The following RBM27 variants were observed in gnomAD, a reference collection of about 807,000 sequenced individuals.
RBM27 encodes the protein RNA binding motif protein 27, also known as RNA-binding protein 27.
A neutral mutation model predicts 135.3 loss-of-function variants in RBM27; 22 were observed. The observed-to-expected ratio is 0.16, with a 90% confidence interval of 0.12 to 0.23. The LOEUF (loss-of-function observed/expected upper bound fraction) is 0.23, where lower values mean the gene tolerates loss of function less well. Ranked by LOEUF, RBM27 falls within the 10% of genes least tolerant of loss-of-function variation. The pLI is 1.00. For synonymous variants in RBM27, 481 were observed against 442.4 expected (o/e 1.09, Z -1.10); for missense variants, 1,009 against 1,281.0 (o/e 0.79, Z 3.24).
intron 17 of RBM27, 87 bp from the exon 18 acceptor site, chr5:146,270,867 A>T (rs992665336): frequency 1.3e-6 from 1 of 788,634 alleles, no homozygotes; most frequent in Non-Finnish European, 2.0e-6. Context: ...TCCAAAATAC[A>T]TGTGTGTCAT....
chr5:146,256,029 T>C (rs1758084786), intron 10 of RBM27, among the ~76,000 whole-genome samples: 1 of 151,522 alleles, frequency 6.6e-6, no homozygotes, highest in Admixed American at 6.6e-5. Flanking sequence ...CTAATTTTTG[T>C]ATTTTTAGTA....
chr5:146,263,981 C>T (rs568812125), intron 14 of RBM27, among the ~76,000 whole-genome samples: 1 of 151,782 alleles, frequency 6.6e-6, no homozygotes, highest in South Asian at 2.1e-4. Context: ...GTGGCAGACA[C>T]CTGTAATCCC....
At position 146,269,471 on chromosome 5, in the gene RBM27, G is replaced by A. The variant is rs1486344244; in HGVS notation, c.2578G>A (p.Ala860Thr). The A allele has an allele frequency of 1.9e-6, 3 of 1,571,546 alleles. No homozygotes were observed. Among genetic ancestry groups the A allele is most frequent in the Non-Finnish European group, 2.6e-6 (3 of 1,162,606 alleles). Reference protein sequence around the residue: ...KNKNMKPEERANIMKTLKELG... With the variant: ...KNKNMKPEERTNIMKTLKELG... ...CAAAAACATGAAACCAGAAGAAAGA[G>A]CAAATATAATGAAGACTTTGAAAGA... Residue 860 changes from alanine to threonine, a missense_variant, in exon 17 of 21, where the codon GCA becomes ACA. This residue lies in a region of RBM27 where 355 missense variants were observed against 427.3 expected (regional missense o/e 0.83). Transcript: ENST00000265271.
chr5:146,207,685 G>T (rs1415586374), intron 1 of RBM27, among the ~76,000 whole-genome samples: 2 of 144,798 alleles, frequency 1.4e-5, no homozygotes, highest in Admixed American at 6.9e-5. Flanking sequence ...TTGAGACAGG[G>T]TCTCTGTCGC....
intron 19 of RBM27, among the ~76,000 whole-genome samples, chr5:146,272,339 T>A (rs1312985430): frequency 6.6e-6 from 1 of 152,214 alleles, no homozygotes; most frequent in Non-Finnish European, 1.5e-5. Flanking sequence ...CACAATCATA[T>A]AATTAATAAG....
chr5:146,237,712 G>C (rs541060547), intron 8 of RBM27, among the ~76,000 whole-genome samples: 1 of 152,220 alleles, frequency 6.6e-6, no homozygotes, highest in Admixed American at 6.5e-5. Context: ...TTTTGAGACA[G>C]AGTCTCGCTC....
At chr5:146,231,065 A>G in intron 6 of RBM27, 148 bp downstream of exon 6, 1 of 1,032,250 alleles carries the variant, frequency 9.7e-7, no homozygotes, top group South Asian at 1.7e-5. Flanking sequence ...TCTGTCACCC[A>G]GGATGGAGTG....
intron 19 of RBM27, among the ~76,000 whole-genome samples, chr5:146,277,517 ATTTTTTTT>A (rs371321141): frequency 2.4e-5 from 3 of 125,518 alleles, no homozygotes; most frequent in East Asian, 4.4e-4. Context: ...TACTGGGATA[ATTTTTTTT>A]TTTTTTTTTT....
chr5:146,275,070 G>C (rs1054523581), intron 19 of RBM27, among the ~76,000 whole-genome samples: 1 of 150,834 alleles, frequency 6.6e-6, no homozygotes, highest in Non-Finnish European at 1.5e-5. Context: ...ACCATTCTTA[G>C]CTCCTGGGTC....
At chr5:146,210,872 G>C (rs1019183773) in intron 1 of RBM27, among the ~76,000 whole-genome samples, 1 of 152,118 alleles carries the variant, frequency 6.6e-6, no homozygotes, top group African/African-American at 2.4e-5. Flanking sequence ...ACGTGAACCT[G>C]GGAGGCGGAG....
chr5:146,232,771 G>A (rs1323783359), intron 6 of RBM27, among the ~76,000 whole-genome samples: 1 of 152,156 alleles, frequency 6.6e-6, no homozygotes, highest in African/African-American at 2.4e-5. Flanking sequence ...GTTTCACCAT[G>A]TTGGTCAGGA....
At chr5:146,253,256 A>G (rs1018816498) in intron 9 of RBM27, among the ~76,000 whole-genome samples, 4 of 152,122 alleles carry the variant, frequency 2.6e-5, no homozygotes, top group African/African-American at 4.8e-5. Flanking sequence ...TTGGCCTCCC[A>G]AAGTGCTGGA....
chr5:146,247,724 A>G (rs1757691772), intron 8 of RBM27, among the ~76,000 whole-genome samples: 1 of 152,200 alleles, frequency 6.6e-6, no homozygotes, highest in African/African-American at 2.4e-5. Flanking sequence ...TTTGGCAAGA[A>G]CATTTTATAG....
intron 1 of RBM27, among the ~76,000 whole-genome samples, chr5:146,215,616 C>T (rs1002791650): frequency 6.6e-6 from 1 of 152,024 alleles, no homozygotes; most frequent in Non-Finnish European, 1.5e-5. Flanking sequence ...ATTTTTTTCC[C>T]CTTCTCTCCT....
At chr5:146,256,245 G>A (rs2126833874) in intron 10 of RBM27, among the ~76,000 whole-genome samples, 1 of 146,658 alleles carries the variant, frequency 6.8e-6, no homozygotes, top group East Asian at 2.0e-4. Context: ...AAGAATAACA[G>A]GTTTTGTATG....
chr5:146,217,311 T>C (rs774157877), intron 1 of RBM27, among the ~76,000 whole-genome samples: 7 of 152,044 alleles, frequency 4.6e-5, no homozygotes, highest in Non-Finnish European at 8.8e-5. Context: ...ATGACAGTGT[T>C]AATATTGACA....
intron 14 of RBM27, 46 bp from the exon 15 acceptor site, chr5:146,267,603 A>T (rs1322871302): frequency 1.6e-6 from 2 of 1,217,426 alleles, no homozygotes; most frequent in Non-Finnish European, 2.3e-6. Context: ...CATTTCTAAG[A>T]TATAATTATA....
chr5:146,267,112 G>T (rs1423803152), intron 14 of RBM27, among the ~76,000 whole-genome samples: 1 of 152,152 alleles, frequency 6.6e-6, no homozygotes, highest in Non-Finnish European at 1.5e-5. Flanking sequence ...TCAGTGAGAG[G>T]TATACACAAT....
intron 8 of RBM27, among the ~76,000 whole-genome samples, chr5:146,246,719 A>G (rs953879074): frequency 6.6e-6 from 1 of 152,190 alleles, no homozygotes; most frequent in Non-Finnish European, 1.5e-5. Flanking sequence ...ATTATGATGG[A>G]AAATTTCAAA....
Sources: gnomAD v4.1 joint callset for allele counts (sites outside exome capture counted in the v4.1 genomes callset) on GRCh38, gnomAD v4.1.1 for gene constraint, gnomAD v4.1.1 regional missense constraint, MANE v1.5 for transcripts, NCBI Gene and HGNC (gene_info 2026-07-23, HGNC 2026-07-21) for gene names.